SERPINF2: variants seen among roughly 807,000 people sequenced by gnomAD.
SERPINF2 encodes the protein alpha-2-antiplasmin.
In SERPINF2, 15 loss-of-function variants were observed where a neutral mutation model predicts 45.0. That is an observed-to-expected ratio of 0.33 (90% CI 0.22 to 0.51). The LOEUF is 0.51. SERPINF2 is among the 20% of genes least tolerant of loss of function. The pLI is 0.97. For synonymous variants in SERPINF2, 283 were observed against 277.9 expected, an observed-to-expected ratio of 1.02 and a Z score of -0.18; for missense variants, 518 against 637.4, an observed-to-expected ratio of 0.81 and a Z score of 2.02.
Position 1,745,942 on chromosome 17 carries a change from G to A in SERPINF2, c.367+33G>A. 1.2e-6 allele frequency: 2 copies of A among 1,601,294 alleles called. No individual in the cohort carries two copies. Among genetic ancestry groups the A allele is most frequent in the Non-Finnish European group, 1.7e-6 (2 of 1,173,068 alleles). On this transcript the variant is annotated intron_variant, in intron 5 of 9. Transcript: ENST00000453066. The surrounding 1 kb of genome is among the most constrained non-coding windows in gnomAD (Gnocchi z 6.2). The stretch of plus-strand genomic sequence containing the variant: ...GGCACCACTTGTCCAGACCAAGAGA[G>A]CTGGGAGGCCAGTAGGAACTCAGTA...
Position 1,745,935 on chromosome 17 carries a change from C to A in SERPINF2, c.367+26C>A. 6.2e-7 allele frequency: 1 copy of A among 1,604,038 alleles called. No individual in the cohort carries two copies. The highest frequency in any genetic ancestry group is 8.5e-7 in the Non-Finnish European group (1 of 1,175,238). ...GTACCCTGGCACCACTTGTCCAGAC[C>A]AAGAGAGCTGGGAGGCCAGTAGGAA... On this transcript the variant is annotated intron_variant, in intron 5 of 9. Transcript: ENST00000453066. The surrounding 1 kb of genome is among the most constrained non-coding windows in gnomAD (Gnocchi z 6.2).
At chr17:1,748,275 G>A (rs1906041043) in intron 7 of SERPINF2, among the ~76,000 whole-genome samples, 1 of 149,608 alleles carries the variant, frequency 6.7e-6, no homozygotes, top group Admixed American at 6.7e-5. Flanking sequence ...CTGCACTCCA[G>A]CCTGGGCGAC....
chr17:1,743,162 C>T, intron 1 of SERPINF2: 1 of 944,268 alleles, frequency 1.1e-6, no homozygotes, highest in South Asian at 4.9e-5. Context: ...AAGGGTTGGC[C>T]CCAAGATGGG....
In SERPINF2 at chr17:1,745,740, C is replaced by T. The variant is rs1905759145; in HGVS notation, c.198C>T (p.Pro66=). The part of the protein sequence containing the change: ...EPGGQTALKS[P]PGVCSRDPTP... ...GTGGCCAGACTGCCCTGAAGAGTCC[C>T]CCAGGAGTCTGCAGCAGAGACCCCA... Residue 66 remains proline (P), a synonymous_variant, in exon 5 of 10, where the codon CCC becomes CCT. Transcript: ENST00000453066. The surrounding 1 kb of genome is among the most constrained non-coding windows in gnomAD (Gnocchi z 6.2). 1 of 1,613,786 alleles carries T rather than the reference C, an allele frequency of 6.2e-7. No homozygotes were observed. The highest frequency in any genetic ancestry group is 8.5e-7 in the Non-Finnish European group (1 of 1,180,006).
intron 1 of SERPINF2, 154 bp downstream of exon 1, chr17:1,743,062 G>T (rs1905434141): frequency 4.1e-6 from 4 of 985,142 alleles, no homozygotes; most frequent in African/African-American, 1.7e-5. Context: ...TTGGCAAGAA[G>T]ATTCTAATGC....
intron 1 of SERPINF2, among the ~76,000 whole-genome samples, chr17:1,744,214 C>T (rs535421475): frequency 1.1e-4 from 16 of 148,936 alleles, no homozygotes; most frequent in Non-Finnish European, 1.9e-4. Context: ...GGTCTTTTGC[C>T]GGGTGCAGTG....
chr17:1,752,387 C>T (rs1243016213), intron 8 of SERPINF2, among the ~76,000 whole-genome samples, 199 bp from the exon 9 acceptor site: 1 of 152,120 alleles, frequency 6.6e-6, no homozygotes, highest in Non-Finnish European at 1.5e-5. Context: ...GCATCTCATT[C>T]GGTTACGTGT....
chr17:1,745,666 G>A lies in SERPINF2; in HGVS notation c.166-42G>A, dbSNP rs762606747. 3 of 1,588,826 alleles carry A rather than the reference G, an allele frequency of 1.9e-6. No individual in the cohort carries two copies. The highest frequency in any genetic ancestry group is 2.6e-6 in the Non-Finnish European group (3 of 1,161,056). The stretch of plus-strand genomic sequence containing the variant: ...CAAGGCCTTCAACACAGAACCTGGA[G>A]CTGACCCCTTGACCTCCCTGACCCC... On this transcript the variant is annotated intron_variant, in intron 4 of 9. Coordinates refer to ENST00000453066, the MANE Select transcript of SERPINF2 (RefSeq NM_000934.4). This position sits in a 1 kb window ranked among gnomAD's most constrained non-coding sequence, Gnocchi z 6.2.
intron 7 of SERPINF2, among the ~76,000 whole-genome samples, chr17:1,747,773 A>G (rs909518009): frequency 1.3e-5 from 2 of 152,026 alleles, no homozygotes; most frequent in African/African-American, 4.8e-5. Context: ...CATGTTGGCC[A>G]GGCTGGCCTT....
At position 1,745,662 on chromosome 17, in the gene SERPINF2, T is replaced by G; in HGVS notation, c.166-46T>G. The G allele has an allele frequency of 5.7e-6, 9 of 1,582,424 alleles. No individual in the cohort carries two copies. The highest frequency in any genetic ancestry group is 7.8e-6 in the Non-Finnish European group (9 of 1,155,696). ...GTGACAAGGCCTTCAACACAGAACC[T>G]GGAGCTGACCCCTTGACCTCCCTGA... is the stretch of plus-strand genomic sequence containing the variant. On this transcript the variant is annotated intron_variant, in intron 4 of 9. Transcript: ENST00000453066. This position sits in a 1 kb window ranked among gnomAD's most constrained non-coding sequence, Gnocchi z 6.2.
At chr17:1,753,803 C>T (rs1292201639) in intron 9 of SERPINF2, among the ~76,000 whole-genome samples, 2 of 152,254 alleles carry the variant, frequency 1.3e-5, no homozygotes, top group East Asian at 3.8e-4. Flanking sequence ...CATGTACAAA[C>T]AGCTGAGTCT....
At chr17:1,744,953 G>A (rs777871727) in intron 1 of SERPINF2, 39 bp from the exon 2 acceptor site, 33 of 1,613,078 alleles carry the variant, frequency 2.0e-5, no homozygotes, top group Non-Finnish European at 2.8e-5. Flanking sequence ...CGGGCGTGGG[G>A]ATGTGAGATG....
chr17:1,746,716 C>T (rs908549495), intron 5 of SERPINF2, among the ~76,000 whole-genome samples: 57 of 152,206 alleles, frequency 3.7e-4, no homozygotes, highest in African/African-American at 8.7e-4. Context: ...CGTGAGCCAC[C>T]GCGCCCGGCC....
In SERPINF2 at chr17:1,751,613, G is replaced by T. The variant is rs547764085; in HGVS notation, c.859-973G>T. ...TCTAAAAATACAAAAAATTAGCCGG[G>T]CGTAGTGGCGGGCACCTGTAATCCC... On this transcript the variant is annotated intron_variant, in intron 8 of 9. Coordinates refer to ENST00000453066, the MANE Select transcript of SERPINF2 (RefSeq NM_000934.4). 1.5e-5 allele frequency among the ~76,000 whole-genome samples: 2 copies of T among 136,642 alleles called. 1 individual carries two copies. The highest frequency in any genetic ancestry group is 3.3e-5 in the Non-Finnish European group (2 of 60,452). The allele number at this position is 136,642 out of a possible 152,430, so 89.6% of individuals were successfully genotyped here.
intron 8 of SERPINF2, among the ~76,000 whole-genome samples, chr17:1,751,450 GAAA>G (rs757827355): frequency 2.3e-5 from 2 of 86,100 alleles, no homozygotes; most frequent in Non-Finnish European, 2.4e-5. Context: ...ACTCTGTCTT[GAAA>G]AAAAAAAAAA....
In SERPINF2 at chr17:1,754,696, C is replaced by A; in HGVS notation, c.*162C>A. On this transcript the variant is annotated 3_prime_UTR_variant, in exon 10 of 10. Transcript: ENST00000453066. ...TGGGGAGTTTAGGGTGGGGGGGGGGCGCGGCTGGGAGGAGGGCAGGCATCG... is the reference window on the plus strand; with the variant it reads ...TGGGGAGTTTAGGGTGGGGGGGGGGAGCGGCTGGGAGGAGGGCAGGCATCG... The A allele has an allele frequency of 7.4e-6, 2 of 269,956 alleles. No individual in the cohort carries two copies. The highest frequency in any genetic ancestry group is 6.4e-6 in the Non-Finnish European group (1 of 155,980). The allele number at this position is 269,956 out of a possible 1,614,324, so 16.7% of individuals were successfully genotyped here.
At position 1,754,619 on chromosome 17, in the gene SERPINF2, G is replaced by A. The variant is rs986746022; in HGVS notation, c.*85G>A. On this transcript the variant is annotated 3_prime_UTR_variant, in exon 10 of 10. Coordinates refer to ENST00000453066, the MANE Select transcript of SERPINF2 (RefSeq NM_000934.4). ...TCTTTCCAACCGGCTTTGTGGCACT[G>A]GGGCAGGGGCCGGGGGCAGTCTGAG... The A allele has an allele frequency of 1.8e-5, 27 of 1,530,020 alleles. No individual in the cohort carries two copies. Among genetic ancestry groups the A allele is most frequent in the Non-Finnish European group, 2.1e-5 (24 of 1,139,886 alleles). The allele number at this position is 1,530,020 out of a possible 1,614,324, so 94.8% of individuals were successfully genotyped here. A position where few individuals can be genotyped will look rare whatever the true frequency, so the allele number is the denominator to read the frequency against.
At chr17:1,749,557 C>T (rs1355927385) in intron 8 of SERPINF2, among the ~76,000 whole-genome samples, 2 of 152,220 alleles carry the variant, frequency 1.3e-5, no homozygotes, top group Non-Finnish European at 1.5e-5. Context: ...GAGATCGCAC[C>T]ACTGCACTCC....
At chr17:1,743,608 G>A (rs994184875) in intron 1 of SERPINF2, among the ~76,000 whole-genome samples, 5 of 151,680 alleles carry the variant, frequency 3.3e-5, no homozygotes, top group South Asian at 2.1e-4. Flanking sequence ...CCAGCTACTC[G>A]GGAGGCTGAG....
Sources: gnomAD v4.1 joint callset for allele counts (sites outside exome capture counted in the v4.1 genomes callset) on GRCh38, gnomAD v4.1.1 for gene constraint, Gnocchi (gnomAD v3.1) non-coding constraint, MANE v1.5 for transcripts, NCBI Gene and HGNC (gene_info 2026-07-23, HGNC 2026-07-21) for gene names.